The following ADGRD1 variants were observed in gnomAD, a reference collection of about 807,000 sequenced individuals.
ADGRD1 encodes the protein G-protein coupled receptor 133.
ADGRD1 carries 77 observed loss-of-function variants against 113.4 expected under a neutral mutation model. The observed-to-expected ratio is 0.68, with a 90% confidence interval of 0.57 to 0.82. ADGRD1 has a LOEUF of 0.82. Among genes scored for constraint, ADGRD1 ranks in the 40% least tolerant of loss-of-function variants. The probability of loss-of-function intolerance (pLI) is 0.00; values close to 1 mark genes in which losing one functional copy is unlikely to be tolerated. For missense variants in ADGRD1, 1,036 were observed against 1,139.1 expected (o/e 0.91, Z 1.30); for synonymous variants, 474 against 475.0 (o/e 1.00, Z 0.03).
intron 13 of ADGRD1, among the ~76,000 whole-genome samples, chr12:131,066,947 G>A (rs140674505): frequency 1.3e-5 from 2 of 152,306 alleles, no homozygotes; most frequent in African/African-American, 4.8e-5. Flanking sequence ...GGGTGCCCCC[G>A]GAGGGTCTGA....
intron 22 of ADGRD1, among the ~76,000 whole-genome samples, chr12:131,136,544 T>C (rs1261067402): frequency 6.6e-6 from 1 of 152,206 alleles, no homozygotes; most frequent in African/African-American, 2.4e-5. Flanking sequence ...AGACTTGGGA[T>C]GCGCAGGGTC....
At position 131,136,954 on chromosome 12, in the gene ADGRD1, T is replaced by G; in HGVS notation, c.2395-19T>G. On this transcript the variant is annotated intron_variant, in intron 22 of 24. Coordinates refer to ENST00000261654, the MANE Select transcript of ADGRD1 (RefSeq NM_198827.5). ...GTGCAAAGGGCTCTAATCTCTGCGT[T>G]TCTTCCCTTTCTTCCCAGGGACTGT... 6.2e-7 allele frequency: 1 copy of G among 1,600,400 alleles called. No homozygotes were observed. Among genetic ancestry groups the G allele is most frequent in the Non-Finnish European group, 8.6e-7 (1 of 1,167,418 alleles).
chr12:131,011,612 G>A (rs1015362323), intron 12 of ADGRD1, among the ~76,000 whole-genome samples: 10 of 152,158 alleles, frequency 6.6e-5, no homozygotes, highest in African/African-American at 1.4e-4. Context: ...GATGACCACC[G>A]GTTGCACCAT....
chr12:131,021,921 G>T (rs1382401829), intron 13 of ADGRD1, among the ~76,000 whole-genome samples: 1 of 152,098 alleles, frequency 6.6e-6, no homozygotes, highest in Non-Finnish European at 1.5e-5. Context: ...TGCTTAGGCT[G>T]GTCTTGAACT....
chr12:130,978,967 G>A (rs1023872217), intron 4 of ADGRD1, among the ~76,000 whole-genome samples: 22 of 151,712 alleles, frequency 1.5e-4, no homozygotes, highest in African/African-American at 4.6e-4. Flanking sequence ...ACCCCTCAGC[G>A]CCCAAGGCAG....
chr12:131,047,316 G>A (rs1321033848), intron 13 of ADGRD1, among the ~76,000 whole-genome samples: 3 of 152,210 alleles, frequency 2.0e-5, no homozygotes, highest in Non-Finnish European at 2.9e-5. Context: ...GATCCACGGC[G>A]AGGAGACATT....
chr12:131,089,672 G>C (rs1886771683), intron 15 of ADGRD1, among the ~76,000 whole-genome samples: 1 of 152,012 alleles, frequency 6.6e-6, no homozygotes, highest in Non-Finnish European at 1.5e-5. Context: ...CTGCCTATGG[G>C]GGCTCCCTGC....
Position 131,075,096 on chromosome 12 carries a change from G to A in ADGRD1, c.1474-1705G>A, listed in dbSNP as rs941232825. Among the ~76,000 whole-genome samples, 11 of 152,232 alleles carry A rather than the reference G, an allele frequency of 7.2e-5. No homozygotes were observed. The highest frequency in any genetic ancestry group is 1.4e-4 in the African/African-American group (6 of 41,460). On this transcript the variant is annotated intron_variant, in intron 13 of 24. Coordinates refer to ENST00000261654, the MANE Select transcript of ADGRD1 (RefSeq NM_198827.5). This position sits in a 1 kb window ranked among gnomAD's most constrained non-coding sequence, Gnocchi z 5.3. Reference sequence around the variant, plus strand: ...CTGAGAAGCCTTGCCACGTGTTGATGTGTATGGGTCTGGCTGCTGGCTTCC... The same window carrying A: ...CTGAGAAGCCTTGCCACGTGTTGATATGTATGGGTCTGGCTGCTGGCTTCC...
chr12:131,130,806 C>T (rs971578728), intron 20 of ADGRD1, among the ~76,000 whole-genome samples: 3 of 151,894 alleles, frequency 2.0e-5, no homozygotes, highest in South Asian at 2.1e-4. Flanking sequence ...GGCTGCCCTC[C>T]GACTGCAGCT....
intron 21 of ADGRD1, among the ~76,000 whole-genome samples, chr12:131,134,244 G>T (rs559190864): frequency 1.3e-5 from 2 of 152,294 alleles, no homozygotes; most frequent in East Asian, 1.9e-4. Flanking sequence ...GGCCAACCTT[G>T]GGGGAGCAGA....
rs200650109 is a variant in ADGRD1, at chr12:131,111,906, C to CT, written c.2041+3038dup. ...ATTTATAGTGATTGTTTTGAAGTCT[C>CT]TTTTTTTTTGATAAATACGACAACT... On this transcript the variant is annotated intron_variant, in intron 18 of 24. Transcript: ENST00000261654. Among the ~76,000 whole-genome samples, 514 of 151,468 alleles carry CT rather than the reference C, an allele frequency of 3.4e-3. 2 individuals carry two copies. The highest frequency in any genetic ancestry group is 5.9e-3 in the Non-Finnish European group (403 of 67,812).
At chr12:131,134,458 A>G (rs1593275777) in intron 21 of ADGRD1, among the ~76,000 whole-genome samples, 1 of 152,262 alleles carries the variant, frequency 6.6e-6, no homozygotes, top group African/African-American at 2.4e-5. Flanking sequence ...CTTTAAAAGT[A>G]GCACATTTTG....
intron 2 of ADGRD1, among the ~76,000 whole-genome samples, chr12:130,959,297 C>T (rs950031492): frequency 2.0e-5 from 3 of 152,300 alleles, no homozygotes; most frequent in Middle Eastern, 3.4e-3. Flanking sequence ...GTTGGGCTGG[C>T]GCAGTGGCTC....
intron 15 of ADGRD1, among the ~76,000 whole-genome samples, chr12:131,099,637 T>G (rs993965006): frequency 3.3e-5 from 5 of 152,210 alleles, no homozygotes; most frequent in African/African-American, 1.2e-4. Flanking sequence ...TAACGTTACA[T>G]GCAGAAGCCA....
chr12:131,002,412 G>A (rs956237589), intron 9 of ADGRD1: 3 of 629,594 alleles, frequency 4.8e-6, no homozygotes, highest in African/African-American at 2.0e-5. Context: ...ATTGGCCTCA[G>A]CATTCTATTT....
intron 12 of ADGRD1, among the ~76,000 whole-genome samples, chr12:131,009,117 C>T (rs931868007): frequency 5.9e-5 from 9 of 152,182 alleles, no homozygotes; most frequent in South Asian, 4.1e-4. Flanking sequence ...GGATGTCTGC[C>T]GCACGCCTGC....
chr12:131,088,327 G>A (rs1298681143), intron 15 of ADGRD1, among the ~76,000 whole-genome samples: 3 of 152,260 alleles, frequency 2.0e-5, no homozygotes, highest in African/African-American at 7.2e-5. Context: ...AGGATGCTGT[G>A]GCACGCACAG....
chr12:131,136,511 A>G (rs1951090415), intron 22 of ADGRD1, among the ~76,000 whole-genome samples: 1 of 152,192 alleles, frequency 6.6e-6, no homozygotes, highest in African/African-American at 2.4e-5. Flanking sequence ...GTGAAGGGCC[A>G]GGGAGGGTCA....
chr12:131,004,412 C>CGCCTGCGGTGCTCCCCCGGGCT (rs1165879438), intron 11 of ADGRD1, 116 bp downstream of exon 11: 4 of 797,944 alleles, frequency 5.0e-6, no homozygotes, highest in East Asian at 2.7e-5. Context: ...TCCCCCGGGC[C>CGCCTGCGGTGCTCCCCCGGGCT]GCCTGCGGTG....
Sources: gnomAD v4.1 joint callset for allele counts (sites outside exome capture counted in the v4.1 genomes callset) on GRCh38, gnomAD v4.1.1 for gene constraint, Gnocchi (gnomAD v3.1) non-coding constraint, MANE v1.5 for transcripts, NCBI Gene and HGNC (gene_info 2026-07-23, HGNC 2026-07-21) for gene names.